Variants in LRP1B observed in about 807,000 individuals in gnomAD.
LRP1B encodes low-density lipoprotein receptor-related protein 1B.
A neutral mutation model predicts 556.6 loss-of-function variants in LRP1B; 217 were observed. That is an observed-to-expected ratio of 0.39 (90% CI 0.35 to 0.44). The LOEUF is 0.44. Ranked by LOEUF, LRP1B falls within the 20% of genes least tolerant of loss-of-function variation. The pLI, the probability that LRP1B is intolerant of heterozygous loss-of-function variation, is 1.00. For synonymous variants in LRP1B, 2,047 were observed against 1,865.8 expected (o/e 1.10, Z -2.50); for missense variants, 5,053 against 5,620.8 (o/e 0.90, Z 3.23).
intron 2 of LRP1B, among the ~76,000 whole-genome samples, chr2:141,679,415 C>A (rs1486705549): frequency 2.0e-5 from 3 of 152,106 alleles, no homozygotes; most frequent in African/African-American, 7.2e-5. Flanking sequence ...CCATTTTATA[C>A]TCTTCAAATA....
intron 31 of LRP1B, among the ~76,000 whole-genome samples, chr2:140,817,358 T>G (rs1010439057): frequency 6.6e-6 from 1 of 151,898 alleles, no homozygotes; most frequent in African/African-American, 2.4e-5. Flanking sequence ...AAGAAAAAAA[T>G]ATATGAAAAG....
At chr2:141,920,160 A>G (rs928839262) in intron 1 of LRP1B, among the ~76,000 whole-genome samples, 8 of 151,146 alleles carry the variant, frequency 5.3e-5, no homozygotes, top group African/African-American at 1.9e-4. Flanking sequence ...CATGCTTTCA[A>G]TTGCTCTTCC....
intron 3 of LRP1B, among the ~76,000 whole-genome samples, chr2:141,350,684 TTCA>T (rs2105538726): frequency 6.6e-6 from 1 of 152,184 alleles, no homozygotes; most frequent in South Asian, 2.1e-4. Context: ...CTTTCATAAC[TTCA>T]TCAAAGTTTA....
intron 41 of LRP1B, among the ~76,000 whole-genome samples, chr2:140,611,153 T>C (rs496404): frequency 0.5 from 76,615 of 152,086 alleles, 19,841 homozygotes; most frequent in African/African-American, 0.63. Flanking sequence ...ATAGGAATTA[T>C]GTGAGTGAGT....
chr2:140,660,339 CAG>C (rs148746528), intron 41 of LRP1B, among the ~76,000 whole-genome samples: 4,453 of 152,084 alleles, frequency 0.029, 101 homozygotes, highest in South Asian at 0.049. Context: ...TTGTTCATTG[CAG>C]AGACAAGTAC....
chr2:141,103,150 C>CA (rs1003876853), intron 7 of LRP1B, among the ~76,000 whole-genome samples: 79 of 141,034 alleles, frequency 5.6e-4, no homozygotes, highest in African/African-American at 1.2e-3. Flanking sequence ...CATTTGATGC[C>CA]AAAAAAAAAA....
chr2:141,773,262 T>C (rs1290089244), intron 2 of LRP1B, among the ~76,000 whole-genome samples: 1 of 152,218 alleles, frequency 6.6e-6, no homozygotes, highest in East Asian at 1.9e-4. Context: ...CCTTTCTATC[T>C]GTACCAAAGT....
intron 1 of LRP1B, among the ~76,000 whole-genome samples, chr2:141,989,323 G>A (rs934286998): frequency 6.6e-6 from 1 of 151,816 alleles, no homozygotes; most frequent in African/African-American, 2.4e-5. Context: ...TTCTTCCTCT[G>A]ATGACTTTAA....
chr2:140,962,678 A>C (rs1448923261), intron 18 of LRP1B, among the ~76,000 whole-genome samples: 1 of 152,186 alleles, frequency 6.6e-6, no homozygotes, highest in Non-Finnish European at 1.5e-5. Context: ...TCATCAAAGC[A>C]ATGAGCAGCC....
chr2:141,743,210 CA>C (rs1322480720), intron 2 of LRP1B, among the ~76,000 whole-genome samples: 1 of 152,070 alleles, frequency 6.6e-6, no homozygotes, highest in Non-Finnish European at 1.5e-5. Flanking sequence ...GTTTGTCCTT[CA>C]TTCTGTTGAC....
intron 1 of LRP1B, among the ~76,000 whole-genome samples, chr2:141,839,623 T>A (rs991177970): frequency 6.6e-6 from 1 of 152,172 alleles, no homozygotes; most frequent in Non-Finnish European, 1.5e-5. Flanking sequence ...TTTTCTTGAC[T>A]ATACTGAGAC....
chr2:141,462,471 C>T (rs547694251), intron 3 of LRP1B, among the ~76,000 whole-genome samples: 42 of 150,810 alleles, frequency 2.8e-4, no homozygotes, highest in African/African-American at 9.5e-4. Context: ...GGGAGGGGGA[C>T]ATCACACACC....
At chr2:140,261,057 G>GTA (rs35806990) in intron 86 of LRP1B, among the ~76,000 whole-genome samples, 54,717 of 149,386 alleles carry the variant, frequency 0.37, 10,467 homozygotes, top group African/African-American at 0.47. Flanking sequence ...ATATGTGTGT[G>GTA]TATATATATA....
intron 74 of LRP1B, among the ~76,000 whole-genome samples, chr2:140,357,649 ATC>A (rs1682289962): frequency 6.6e-6 from 1 of 151,598 alleles, no homozygotes; most frequent in African/African-American, 2.4e-5. Flanking sequence ...TCAACTAAAT[ATC>A]ACCGTTTATA....
At chr2:140,565,328 A>C (rs1053854942) in intron 43 of LRP1B, among the ~76,000 whole-genome samples, 1 of 151,778 alleles carries the variant, frequency 6.6e-6, no homozygotes, top group Non-Finnish European at 1.5e-5. Context: ...TATTGGCCAC[A>C]GCATATTTTA....
At chr2:140,351,575 TA>T (rs1681962198) in intron 76 of LRP1B, among the ~76,000 whole-genome samples, 1 of 152,108 alleles carries the variant, frequency 6.6e-6, no homozygotes, top group African/African-American at 2.4e-5. Flanking sequence ...CTATAATCTC[TA>T]AATTATCTAG....
intron 6 of LRP1B, among the ~76,000 whole-genome samples, chr2:141,224,465 G>A (rs766820034): frequency 3.9e-5 from 6 of 152,112 alleles, no homozygotes; most frequent in South Asian, 2.1e-4. Context: ...CATTTGACCC[G>A]GCAATCCCAT....
chr2:140,827,592 AAAG>A (rs930164040), intron 31 of LRP1B, among the ~76,000 whole-genome samples: 5 of 152,036 alleles, frequency 3.3e-5, no homozygotes, highest in African/African-American at 1.2e-4. Context: ...AAAATAATAA[AAAG>A]AAATGAAGAA....
At chr2:141,096,679 A>AGT in intron 7 of LRP1B, among the ~76,000 whole-genome samples, 1 of 88,510 alleles carries the variant, frequency 1.1e-5, no homozygotes, top group African/African-American at 3.8e-5. Flanking sequence ...AGAGAGAGAG[A>AGT]GAGAGAGAGA....
Sources: gnomAD v4.1 joint callset for allele counts (sites outside exome capture counted in the v4.1 genomes callset) on GRCh38, gnomAD v4.1.1 for gene constraint, MANE v1.5 for transcripts, NCBI Gene and HGNC (gene_info 2026-07-23, HGNC 2026-07-21) for gene names.